Variants in DNAH9 observed in about 807,000 individuals in gnomAD.
DNAH9 encodes the protein dynein axonemal heavy chain 9.
In DNAH9, 345 loss-of-function variants were observed where a neutral mutation model predicts 471.6. The ratio of observed to expected loss-of-function variants is 0.73; its 90% CI spans 0.67 to 0.80. The LOEUF is 0.80. DNAH9 is among the 30% of genes least tolerant of loss of function. The pLI is 0.00. For missense variants in DNAH9, 5,407 were observed against 5,609.2 expected, an observed-to-expected ratio of 0.96 and a Z score of 1.15; for synonymous variants, 2,093 against 2,123.6, an observed-to-expected ratio of 0.99 and a Z score of 0.40.
intron 62 of DNAH9, among the ~76,000 whole-genome samples, chr17:11,928,364 G>A (rs992792752): frequency 6.6e-6 from 1 of 152,196 alleles, no homozygotes; most frequent in Non-Finnish European, 1.5e-5. Flanking sequence ...TCTTATAGAA[G>A]AGAAGGCAGC....
chr17:11,745,175 T>C (rs1280685973), intron 31 of DNAH9, 91 bp downstream of exon 31: 2 of 1,115,272 alleles, frequency 1.8e-6, no homozygotes, highest in African/African-American at 1.6e-5. Flanking sequence ...CAAAGGGTTG[T>C]TTTAGATGTA....
chr17:11,969,543 C>T lies in DNAH9; in HGVS notation c.*16C>T, dbSNP rs367684515. The stretch of plus-strand genomic sequence containing the variant: ...CCAGATTTAGCATCCTGCAGAGCCA[C>T]CGAGAAAATAAAAAAGCTGGGCTTG... On this transcript the variant is annotated 3_prime_UTR_variant, in exon 69 of 69. Transcript: ENST00000262442. The T allele has an allele frequency of 6.3e-7, 1 of 1,586,026 alleles. No homozygotes were observed.
chr17:11,604,306 G>A (rs1487440574), intron 1 of DNAH9, among the ~76,000 whole-genome samples: 2 of 152,074 alleles, frequency 1.3e-5, no homozygotes, highest in Non-Finnish European at 2.9e-5. Context: ...ACAGGTGTGA[G>A]CCGCCGCGCC....
At chr17:11,880,880 G>A (rs1321729391) in intron 54 of DNAH9, among the ~76,000 whole-genome samples, 1 of 152,140 alleles carries the variant, frequency 6.6e-6, no homozygotes, top group East Asian at 1.9e-4. Flanking sequence ...CACGTTTGTG[G>A]AAACTGCAAG....
chr17:11,677,270 G>T (rs1333161123), intron 17 of DNAH9, among the ~76,000 whole-genome samples: 5 of 151,668 alleles, frequency 3.3e-5, no homozygotes, highest in African/African-American at 1.2e-4. Flanking sequence ...GTGGTATATT[G>T]TCAATTTCTC....
rs1484464915 is a variant in DNAH9, at chr17:11,623,282, TTTTCTTGACTGTG to T, written c.1350+3506_1350+3518del. On this transcript the variant is annotated intron_variant, in intron 6 of 68. Transcript: ENST00000262442. The surrounding 1 kb of genome is among the most constrained non-coding windows in gnomAD (Gnocchi z 4.1). ...AGCCACCGTGCCCGGCCAGCATTTC[TTTTCTTGACTGTG>T]TTTCCCTCTCTTTCCCTTTGTCTAA... Among the ~76,000 whole-genome samples, 1 of 152,048 alleles carries T rather than the reference TTTTCTTGACTGTG, an allele frequency of 6.6e-6. No homozygotes were observed. Among genetic ancestry groups the T allele is most frequent in the Non-Finnish European group, 1.5e-5 (1 of 67,988 alleles).
intron 53 of DNAH9, among the ~76,000 whole-genome samples, chr17:11,875,483 C>T (rs1972439046): frequency 6.6e-6 from 1 of 152,210 alleles, no homozygotes; most frequent in African/African-American, 2.4e-5. Flanking sequence ...CCTCCCCAAA[C>T]TTCATATCCC....
intron 59 of DNAH9, among the ~76,000 whole-genome samples, chr17:11,899,609 G>A (rs933694836): frequency 2.6e-5 from 4 of 152,228 alleles, no homozygotes; most frequent in Admixed American, 1.3e-4. Context: ...TTCAGATCCA[G>A]CCCTGGCAGC....
intron 51 of DNAH9, 119 bp downstream of exon 51, chr17:11,869,372 AAATGT>A: frequency 1.5e-6 from 2 of 1,348,788 alleles, no homozygotes; most frequent in South Asian, 3.1e-5. Flanking sequence ...GGAAGTATTA[AAATGT>A]GCTGAAATGC....
chr17:11,964,990 G>A (rs1976575964), intron 68 of DNAH9, among the ~76,000 whole-genome samples: 1 of 152,174 alleles, frequency 6.6e-6, no homozygotes, highest in African/African-American at 2.4e-5. Flanking sequence ...GACAATCAAA[G>A]ACAACTGCTT....
At chr17:11,815,604 C>G (rs943736435) in intron 45 of DNAH9, among the ~76,000 whole-genome samples, 1 of 152,112 alleles carries the variant, frequency 6.6e-6, no homozygotes, top group African/African-American at 2.4e-5. Context: ...ACCTGGGCAA[C>G]ATGGCAAAAC....
In DNAH9 at chr17:11,871,836, T is replaced by C. The variant is rs369891483; in HGVS notation, c.10242+50T>C. The stretch of plus-strand genomic sequence containing the variant: ...GACCACATCAGCCTCTGGGCACCAA[T>C]GGGAAGACATCACGGTCATAATTCG... On this transcript the variant is annotated intron_variant, in intron 52 of 68. Transcript: ENST00000262442. 18 of 1,584,488 alleles carry C rather than the reference T, an allele frequency of 1.1e-5. No individual in the cohort carries two copies. In the African/African-American group the frequency reaches 2.3e-4, roughly 20 times the overall value.
intron 62 of DNAH9, among the ~76,000 whole-genome samples, chr17:11,928,658 TTAGAG>T (rs1221868748): frequency 1.3e-5 from 2 of 152,094 alleles, no homozygotes. Flanking sequence ...GAGCTTGGGA[TTAGAG>T]TAGAGAGCCT....
At chr17:11,899,226 T>C (rs2151010386) in intron 59 of DNAH9, among the ~76,000 whole-genome samples, 1 of 152,272 alleles carries the variant, frequency 6.6e-6, no homozygotes, top group Admixed American at 6.5e-5. Flanking sequence ...TGAAGACTGA[T>C]TGCTTTGTTT....
rs1477341115 is a variant in DNAH9, at chr17:11,694,524, A to C, written c.4872+77A>C. 2.0e-6 allele frequency: 3 copies of C among 1,515,456 alleles called. No individual in the cohort carries two copies. The Admixed American group carries it at 5.1e-5, about 26-fold the overall frequency. The allele number at this position is 1,515,456 out of a possible 1,614,324, so 93.9% of individuals were successfully genotyped here. The stretch of plus-strand genomic sequence containing the variant: ...AGCAGGAGGCAGTTTCTGGCTCCCC[A>C]TCATGCCTCTTCTCTCTGGCAGGTT... On this transcript the variant is annotated intron_variant, in intron 22 of 68. Coordinates refer to ENST00000262442, the MANE Select transcript of DNAH9 (RefSeq NM_001372.4).
intron 6 of DNAH9, 99 bp downstream of exon 6, chr17:11,619,880 A>G: frequency 4.3e-6 from 3 of 700,242 alleles, no homozygotes; most frequent in Non-Finnish European, 5.1e-6. Context: ...ACAACCTCAT[A>G]GCCAACCCTC....
intron 61 of DNAH9, among the ~76,000 whole-genome samples, chr17:11,912,604 T>G (rs897226897): frequency 1.3e-5 from 2 of 152,150 alleles, no homozygotes; most frequent in African/African-American, 4.8e-5. Context: ...TATTGTATAT[T>G]ATATTATTGA....
intron 10 of DNAH9, among the ~76,000 whole-genome samples, chr17:11,641,661 A>C (rs1264000088): frequency 1.3e-5 from 2 of 152,010 alleles, no homozygotes; most frequent in Non-Finnish European, 2.9e-5. Flanking sequence ...GCCCTCATGC[A>C]TCTCAATCAC....
chr17:11,649,021 G>A (rs1427594194), intron 12 of DNAH9, among the ~76,000 whole-genome samples: 1 of 152,028 alleles, frequency 6.6e-6, no homozygotes, highest in Non-Finnish European at 1.5e-5. Flanking sequence ...CAGCTACTCA[G>A]GAGGCTGAGG....
Sources: gnomAD v4.1 joint callset for allele counts (sites outside exome capture counted in the v4.1 genomes callset) on GRCh38, gnomAD v4.1.1 for gene constraint, Gnocchi (gnomAD v3.1) non-coding constraint, MANE v1.5 for transcripts, NCBI Gene and HGNC (gene_info 2026-07-23, HGNC 2026-07-21) for gene names.